Variants in DOCK9 observed in about 807,000 individuals in gnomAD.
DOCK9 encodes the protein dedicator of cytokinesis protein 9.
In DOCK9, 89 loss-of-function variants were observed where a neutral mutation model predicts 263.3. The ratio of observed to expected loss-of-function variants is 0.34; its 90% CI spans 0.28 to 0.40. DOCK9 has a LOEUF of 0.40. DOCK9 is among the 10% of genes least tolerant of loss of function. The pLI is 1.00. For missense variants in DOCK9, 2,140 were observed against 2,603.4 expected (o/e 0.82, Z 3.87); for synonymous variants, 976 against 973.1 (o/e 1.00, Z -0.06).
At chr13:99,060,356 C>T (rs941915448) in intron 1 of DOCK9, among the ~76,000 whole-genome samples, 1 of 152,030 alleles carries the variant, frequency 6.6e-6, no homozygotes, top group South Asian at 2.1e-4. Context: ...GGATTACAGG[C>T]GTGAGCCACT....
rs141755657 is a variant in DOCK9 at position 98,918,628 on chromosome 13, T to C, written c.717+2326A>G. On this transcript the variant is annotated intron_variant, in intron 7 of 52. Transcript: ENST00000682017. ...GATGGCAATGGGATGCCCTTGAAAT[T>C]CCAAGGTAAAATGATTTCACTTTGA... is the stretch of plus-strand genomic sequence containing the variant. Among the ~76,000 whole-genome samples the C allele has an allele frequency of 2.0e-3, 297 of 152,266 alleles. 3 individuals are homozygous for C. Among genetic ancestry groups the C allele is most frequent in the African/African-American group, 6.8e-3 (282 of 41,550 alleles).
intron 1 of DOCK9, among the ~76,000 whole-genome samples, chr13:98,975,409 C>T (rs1195654114): frequency 6.6e-6 from 1 of 150,888 alleles, no homozygotes; most frequent in Non-Finnish European, 1.5e-5. Context: ...AAAGATGTTA[C>T]TGACGTGTTC....
intron 9 of DOCK9, among the ~76,000 whole-genome samples, chr13:98,911,071 C>G (rs1422859340): frequency 6.6e-6 from 1 of 152,170 alleles, no homozygotes; most frequent in East Asian, 1.9e-4. Context: ...CCCTTACTGC[C>G]TGGGCTGCTC....
chr13:98,855,985 A>G lies in DOCK9; in HGVS notation c.3744T>C (p.Asn1248=). The G allele has an allele frequency of 6.2e-7, 1 of 1,614,024 alleles. No individual in the cohort carries two copies. The highest frequency in any genetic ancestry group is 1.1e-5 in the South Asian group (1 of 91,078). The change falls in exon 34 of 53, where the codon AAT becomes AAC. Residue 1248 remains asparagine, a synonymous_variant. Coordinates refer to ENST00000682017, the MANE Select transcript of DOCK9 (RefSeq NM_001366683.2). ...TSTPNINSVR[N]ADSRGSLIST... is the part of the protein sequence containing the mutation. Reference sequence around the variant, plus strand: ...TTATGAGAGATCCTCTCGAATCAGCATTTCTCACACTGTTGATGTTTGGAG... The same window carrying G: ...TTATGAGAGATCCTCTCGAATCAGCGTTTCTCACACTGTTGATGTTTGGAG...
At position 98,923,193 on chromosome 13, in the gene DOCK9, T is replaced by C. The variant is rs1255185325; in HGVS notation, c.486+109A>G. On this transcript the variant is annotated intron_variant, in intron 5 of 52. Coordinates refer to ENST00000682017, the MANE Select transcript of DOCK9 (RefSeq NM_001366683.2). Reference sequence around the variant, plus strand: ...ATTCCCGTTTCATGTAACACTCCAATGCCTGTTTTGGCTAAATGTCGGTAA... The same window carrying C: ...ATTCCCGTTTCATGTAACACTCCAACGCCTGTTTTGGCTAAATGTCGGTAA... 11 of 991,924 alleles carry C rather than the reference T, an allele frequency of 1.1e-5. No homozygotes were observed. In the Admixed American group the frequency reaches 1.6e-4, roughly 15 times the overall value. 61.4% of individuals were successfully genotyped at this position (991,924 alleles called of 1,614,324 possible).
intron 1 of DOCK9, among the ~76,000 whole-genome samples, chr13:99,018,184 T>TA (rs755023753): frequency 3.9e-4 from 60 of 152,350 alleles, no homozygotes; most frequent in Admixed American, 2.7e-3. Flanking sequence ...GTTAGAAACT[T>TA]AATCTTCAAT....
At chr13:98,982,312 T>C (rs1027124025), upstream of DOCK9, among the ~76,000 whole-genome samples, 4 of 152,204 alleles carry the variant, frequency 2.6e-5, no homozygotes, top group African/African-American at 9.6e-5. Flanking sequence ...ACCCATAAGA[T>C]GGACTTCCAT....
At chr13:99,023,389 C>T (rs538924438) in intron 1 of DOCK9, among the ~76,000 whole-genome samples, 1 of 152,306 alleles carries the variant, frequency 6.6e-6, no homozygotes, top group East Asian at 1.9e-4. Context: ...TACAAAAGGA[C>T]AAATACTGCA....
intron 15 of DOCK9, among the ~76,000 whole-genome samples, chr13:98,890,742 G>T (rs1056020731): frequency 6.6e-6 from 1 of 152,118 alleles, no homozygotes; most frequent in Non-Finnish European, 1.5e-5. Context: ...GTACATCTTG[G>T]AATATTTGTC....
intron 15 of DOCK9, among the ~76,000 whole-genome samples, chr13:98,889,954 G>A (rs1232644339): frequency 6.6e-6 from 1 of 152,114 alleles, no homozygotes; most frequent in East Asian, 1.9e-4. Flanking sequence ...TGACTCACAG[G>A]AAATTTACAG....
chr13:98,867,834 A>C, intron 29 of DOCK9, 94 bp downstream of exon 29: 1 of 1,218,566 alleles, frequency 8.2e-7, no homozygotes, highest in South Asian at 1.5e-5. Context: ...AAAATTAGTA[A>C]GGCAGAGCTT....
chr13:98,905,119 T>A (rs1365976273), intron 9 of DOCK9, among the ~76,000 whole-genome samples: 1 of 152,144 alleles, frequency 6.6e-6, no homozygotes, highest in Non-Finnish European at 1.5e-5. Context: ...TGAGCCCAGA[T>A]GATAGACAGG....
chr13:98,837,951 T>C (rs1416129745), intron 38 of DOCK9, among the ~76,000 whole-genome samples: 1 of 152,172 alleles, frequency 6.6e-6, no homozygotes, highest in Non-Finnish European at 1.5e-5. Context: ...ATGAAGATTG[T>C]TGAACCCTTG....
intron 13 of DOCK9, 149 bp downstream of exon 13, chr13:98,901,629 A>C: frequency 1.1e-6 from 1 of 930,208 alleles, no homozygotes; most frequent in Non-Finnish European, 1.5e-6. Context: ...TCAAGACATA[A>C]AGTTCAGAGT....
chr13:98,989,818 G>A (rs1365591302), intron 1 of DOCK9, among the ~76,000 whole-genome samples: 4 of 152,016 alleles, frequency 2.6e-5, no homozygotes, highest in African/African-American at 7.3e-5. Flanking sequence ...TTTATATAGG[G>A]TTCATGCTAT....
chr13:99,026,076 CAA>C (rs1219581602), intron 1 of DOCK9, among the ~76,000 whole-genome samples: 2 of 27,230 alleles, frequency 7.3e-5, no homozygotes, highest in African/African-American at 1.2e-4. Flanking sequence ...GACTCCGTCT[CAA>C]AAAAAAAAAA....
intron 1 of DOCK9, among the ~76,000 whole-genome samples, chr13:99,010,253 T>G (rs916702985): frequency 3.3e-5 from 5 of 152,250 alleles, no homozygotes; most frequent in African/African-American, 1.2e-4. Flanking sequence ...CCATCAGCTC[T>G]TCAATTCTTC....
chr13:98,939,818 C>G (rs777933878), intron 2 of DOCK9, among the ~76,000 whole-genome samples: 10 of 152,232 alleles, frequency 6.6e-5, no homozygotes, highest in Non-Finnish European at 1.2e-4. Context: ...GCAAACTACT[C>G]CCTCTTAGAT....
In DOCK9 at chr13:98,915,425, C is replaced by T; in HGVS notation, c.796G>A (p.Val266Met). The change falls in exon 8 of 53, where the codon GTG (valine) becomes ATG (methionine). Residue 266 changes from valine (V) to methionine (M), a missense_variant. Physicochemically the swap from Val to Met is conservative, Grantham distance 21. Around this residue, in one of 2 missense-constraint regions of DOCK9, gnomAD observed 1,521 missense variants for 1,741.7 expected, o/e 0.87. Coordinates refer to ENST00000682017, the MANE Select transcript of DOCK9 (RefSeq NM_001366683.2). ...ATTGTGATCCATTCTTCCATTTCCACTTCACTGTCTGCTGCCAAGAGATAA... is the reference window on the plus strand; with the variant it reads ...ATTGTGATCCATTCTTCCATTTCCATTTCACTGTCTGCTGCCAAGAGATAA... ...SSYLLAADSE[V>M]EMEEWITILN... The T allele has an allele frequency of 6.2e-7, 1 of 1,613,996 alleles. No homozygotes were observed.
Sources: allele counts gnomAD v4.1 joint callset (sites outside exome capture counted in the v4.1 genomes callset), GRCh38; gene constraint gnomAD v4.1.1; regional missense constraint gnomAD v4.1.1; transcripts MANE v1.5; gene names NCBI Gene and HGNC (gene_info 2026-07-23, HGNC 2026-07-21).